Variants in SV2C observed in about 807,000 individuals in gnomAD.
The protein encoded by SV2C is solute carrier family 22 member B3.
In SV2C, 49 loss-of-function variants were observed where a neutral mutation model predicts 79.7. The observed-to-expected ratio is 0.61, with a 90% CI of 0.49 to 0.78. The LOEUF (loss-of-function observed/expected upper bound fraction) is 0.78. Ranked by LOEUF, SV2C falls within the 30% of genes least tolerant of loss-of-function variation. The pLI is 0.00. For missense variants in SV2C, 833 were observed against 912.9 expected (o/e 0.91, Z 1.13); for synonymous variants, 334 against 333.2 (o/e 1.00, Z -0.03).
the SV2C span, among the ~76,000 whole-genome samples, chr5:75,934,957 G>A: frequency 1.3e-5 from 2 of 151,118 alleles, no homozygotes; most frequent in African/African-American, 4.9e-5. Context: ...TTATATCATG[G>A]AAAAGAGCAT....
intron 2 of SV2C, among the ~76,000 whole-genome samples, chr5:76,178,572 A>ACACTACTCT (rs1454718397): frequency 6.6e-6 from 1 of 152,254 alleles, no homozygotes; most frequent in African/African-American, 2.4e-5. Context: ...AATAACATGC[A>ACACTACTCT]CACTACTCTT....
chr5:76,311,898 T>G (rs1476963668), intron 12 of SV2C, among the ~76,000 whole-genome samples: 1 of 152,182 alleles, frequency 6.6e-6, no homozygotes, highest in Non-Finnish European at 1.5e-5. Context: ...CATTTCATTT[T>G]TTGGGTTTAG....
the SV2C span, chr5:75,911,415 TAGTAGGCCTCCTCCACC>T: frequency 3.8e-6 from 4 of 1,059,866 alleles, no homozygotes; most frequent in Non-Finnish European, 4.2e-6. Context: ...CAGCACCCCC[TAGTAGGCCTCCTCCACC>T]CAGAGCCACT....
chr5:76,175,261 G>C (rs1304556058), intron 2 of SV2C, among the ~76,000 whole-genome samples: 1 of 152,150 alleles, frequency 6.6e-6, no homozygotes, highest in African/African-American at 2.4e-5. Flanking sequence ...CTGGAGGCTA[G>C]AGTTTGCCAA....
intron 2 of SV2C, among the ~76,000 whole-genome samples, chr5:76,194,220 C>T (rs1163112188): frequency 6.6e-6 from 1 of 152,166 alleles, no homozygotes. Context: ...GTCTTTAGAT[C>T]ACAGCATCCA....
chr5:75,871,430 T>C, the SV2C span, among the ~76,000 whole-genome samples: 2 of 152,128 alleles, frequency 1.3e-5, no homozygotes, highest in African/African-American at 2.4e-5. Context: ...ATTATTTTCA[T>C]TTGCAAGTGA....
At chr5:76,174,163 G>A (rs371915272) in intron 2 of SV2C, 305 of 1,612,436 alleles carry the variant, frequency 1.9e-4, no homozygotes, top group Non-Finnish European at 2.4e-4. Flanking sequence ...AGCCAAGAAC[G>A]ACTAGCTTAT....
At chr5:75,960,233 A>G in the SV2C span, among the ~76,000 whole-genome samples, 2 of 151,926 alleles carry the variant, frequency 1.3e-5, no homozygotes, top group Non-Finnish European at 2.9e-5. Flanking sequence ...AACTCTATTA[A>G]TGTAATAACT....
the SV2C span, among the ~76,000 whole-genome samples, chr5:75,933,842 TCAC>T: frequency 6.6e-6 from 1 of 152,342 alleles, no homozygotes; most frequent in African/African-American, 2.4e-5. Flanking sequence ...AACTTTGCTT[TCAC>T]CACTGTATCT....
In SV2C at chr5:76,331,465, A is replaced by G. The variant is rs962994514; in HGVS notation, c.*5918A>G. Reference sequence around the variant, plus strand: ...CAGTAGCAGGGGTATTTTGGGTTTCAGTTTAAAACTGGTGCGTGTTGTTGC... The same window carrying G: ...CAGTAGCAGGGGTATTTTGGGTTTCGGTTTAAAACTGGTGCGTGTTGTTGC... On this transcript the variant is annotated 3_prime_UTR_variant, in exon 13 of 13. Coordinates refer to ENST00000502798, the MANE Select transcript of SV2C (RefSeq NM_014979.4). 2 of 152,236 alleles carry G rather than the reference A, an allele frequency of 1.3e-5. No individual in the cohort carries two copies. Among genetic ancestry groups the G allele is most frequent in the Non-Finnish European group, 2.9e-5 (2 of 68,080 alleles). The allele number at this position is 152,236 out of a possible 1,614,324, so 9.4% of individuals were successfully genotyped here.
At chr5:76,319,528 C>T (rs1748755500) in intron 12 of SV2C, among the ~76,000 whole-genome samples, 1 of 152,204 alleles carries the variant, frequency 6.6e-6, no homozygotes, top group Non-Finnish European at 1.5e-5. Context: ...AATGCCGACA[C>T]TAATTTACGG....
the SV2C span, among the ~76,000 whole-genome samples, chr5:75,933,876 G>A: frequency 0.57 from 86,224 of 152,050 alleles, 25,333 homozygotes; most frequent in African/African-American, 0.73. Flanking sequence ...AAGGCTCCTC[G>A]TTCCCCTACA....
the SV2C span, among the ~76,000 whole-genome samples, chr5:75,928,731 TC>T: frequency 6.6e-6 from 1 of 152,120 alleles, no homozygotes; most frequent in Non-Finnish European, 1.5e-5. Context: ...CTCTGTGTCA[TC>T]CCTCTGTGGT....
downstream of SV2C, among the ~76,000 whole-genome samples, chr5:76,337,528 G>A (rs911784747): frequency 6.6e-6 from 1 of 152,164 alleles, no homozygotes; most frequent in African/African-American, 2.4e-5. Flanking sequence ...GATTATGTAT[G>A]TATACTGTAT....
At chr5:75,969,433 C>T in the SV2C span, among the ~76,000 whole-genome samples, 1 of 152,104 alleles carries the variant, frequency 6.6e-6, no homozygotes, top group Non-Finnish European at 1.5e-5. Flanking sequence ...AAACCCATTT[C>T]ACATGCAGAG....
At chr5:75,887,560 T>G in the SV2C span, among the ~76,000 whole-genome samples, 1 of 152,160 alleles carries the variant, frequency 6.6e-6, no homozygotes, top group Non-Finnish European at 1.5e-5. Context: ...TCAGGGTTTA[T>G]CTTCCATCGT....
At chr5:75,970,241 C>A in the SV2C span, among the ~76,000 whole-genome samples, 4 of 152,024 alleles carry the variant, frequency 2.6e-5, no homozygotes, top group Non-Finnish European at 5.9e-5. Context: ...AAAATTGACA[C>A]TCTAAAATCA....
intron 6 of SV2C, 111 bp from the exon 7 acceptor site, chr5:76,291,110 C>T (rs923343988): frequency 5.7e-5 from 36 of 626,416 alleles, no homozygotes; most frequent in African/African-American, 3.0e-4. Flanking sequence ...TACCAAATAC[C>T]GCCTACTTCT....
the SV2C span, among the ~76,000 whole-genome samples, chr5:76,065,739 G>T: frequency 6.6e-6 from 1 of 152,066 alleles, no homozygotes. Context: ...TCATTGGAAT[G>T]GCTACTTGAT....
Sources: allele counts gnomAD v4.1 joint callset (sites outside exome capture counted in the v4.1 genomes callset), GRCh38; gene constraint gnomAD v4.1.1; transcripts MANE v1.5; gene names NCBI Gene and HGNC (gene_info 2026-07-23, HGNC 2026-07-21).